Variants in SIRT4 observed in about 807,000 individuals in gnomAD.
SIRT4 encodes the protein sirtuin 4, also known as NAD-dependent protein lipoamidase sirtuin-4, mitochondrial.
SIRT4 carries 23 observed loss-of-function variants against 26.1 expected under a neutral mutation model. The observed-to-expected ratio is 0.88, with a 90% CI of 0.63 to 1.25. The LOEUF (loss-of-function observed/expected upper bound fraction) is 1.25, where lower values mean the gene tolerates loss of function less well. SIRT4 is among the 50% of genes most tolerant of loss of function. The probability of loss-of-function intolerance (pLI) is 0.00; values close to 1 mark genes in which losing one functional copy is unlikely to be tolerated. For synonymous variants in SIRT4, 155 were observed against 158.4 expected, an observed-to-expected ratio of 0.98 and a Z score of 0.16; for missense variants, 361 against 405.4, an observed-to-expected ratio of 0.89 and a Z score of 0.94.
At chr12:120,307,616 T>A (rs1872790723) in intron 2 of SIRT4, among the ~76,000 whole-genome samples, 2 of 152,120 alleles carry the variant, frequency 1.3e-5, no homozygotes, top group Non-Finnish European at 2.9e-5. Flanking sequence ...TCCGAGCACT[T>A]TGGGAGGCCG....
In SIRT4 at chr12:120,312,735, G is replaced by T; in HGVS notation, c.777G>T (p.Val259=). 6.2e-7 allele frequency: 1 copy of T among 1,613,334 alleles called. No homozygotes were observed. Among genetic ancestry groups the T allele is most frequent in the Non-Finnish European group, 8.5e-7 (1 of 1,179,618 alleles). The change falls in exon 3 of 4, where the codon GTG becomes GTT. Residue 259 remains valine (V), a synonymous_variant. Coordinates refer to ENST00000202967, the MANE Select transcript of SIRT4 (RefSeq NM_012240.3). The stretch of plus-strand genomic sequence containing the variant: ...AAGAAGCCGACTCCCTCTTGGTGGT[G>T]GGATCATCCTTGCAGGTATCTGACT... ...RVKEADSLLV[V]GSSLQVYSGY...
chr12:120,307,418 GGCAGAGGTT>G (rs1471896609), intron 2 of SIRT4, among the ~76,000 whole-genome samples: 1 of 152,090 alleles, frequency 6.6e-6, no homozygotes, highest in Non-Finnish European at 1.5e-5. Context: ...GAACATGGGT[GGCAGAGGTT>G]GCAGTGAGCC....
chr12:120,299,382 TC>T (rs535315701), upstream of SIRT4, among the ~76,000 whole-genome samples: 121 of 145,074 alleles, frequency 8.3e-4, no homozygotes, highest in African/African-American at 3.0e-3. Context: ...CGAAACCCCA[TC>T]TCTACTAAAA....
chr12:120,303,510 GAAAA>G, intron 1 of SIRT4, 47 bp from the exon 2 acceptor site: 1 of 1,244,040 alleles, frequency 8.0e-7, no homozygotes, highest in Non-Finnish European at 1.1e-6. Flanking sequence ...CAAAAAATGA[GAAAA>G]AAAAAAAACC....
At position 120,303,669 on chromosome 12, in the gene SIRT4, T is replaced by TCCTC; in HGVS notation, c.110_113dup (p.Leu39SerfsTer5). 6.2e-7 allele frequency: 1 copy of TCCTC among 1,614,094 alleles called. No individual in the cohort carries two copies. The highest frequency in any genetic ancestry group is 8.5e-7 in the Non-Finnish European group (1 of 1,180,018). On this transcript the variant is annotated frameshift_variant, in exon 2 of 4. Coordinates refer to ENST00000202967, the MANE Select transcript of SIRT4 (RefSeq NM_012240.3). LOFTEE classifies it high-confidence loss of function. ...CCATTGGGTTATTTGTGCCAGCAAG[T>TCCTC]CCTCCTCTGGACCCTGAGAAGGTCA...
chr12:120,298,543 G>C (rs998123806), upstream of SIRT4, among the ~76,000 whole-genome samples: 1 of 152,078 alleles, frequency 6.6e-6, no homozygotes, highest in African/African-American at 2.4e-5. Flanking sequence ...AGTGCGCAGT[G>C]ATCGTGCCTC....
the SIRT4 span, among the ~76,000 whole-genome samples, chr12:120,292,494 G>A: frequency 1.3e-5 from 2 of 152,142 alleles, no homozygotes; most frequent in Admixed American, 6.5e-5. Context: ...ATCCCAGCTA[G>A]TCGGGAGGCT....
the SIRT4 span, chr12:120,292,956 T>C: frequency 3.9e-5 from 6 of 152,260 alleles, no homozygotes; most frequent in African/African-American, 7.2e-5. Context: ...AACTTGCAGG[T>C]GCTCTCGCGA....
chr12:120,291,892 C>T, the SIRT4 span: 1 of 152,156 alleles, frequency 6.6e-6, no homozygotes, highest in Non-Finnish European at 1.5e-5. Context: ...GATACTGCCA[C>T]TGCGCAAAGC....
chr12:120,294,416 C>T, the SIRT4 span, among the ~76,000 whole-genome samples: 2 of 152,036 alleles, frequency 1.3e-5, no homozygotes, highest in South Asian at 4.1e-4. Flanking sequence ...CTCAGCCTCC[C>T]GAGGAGCTGG....
chr12:120,293,365 T>G, the SIRT4 span: 1 of 152,200 alleles, frequency 6.6e-6, no homozygotes, highest in African/African-American at 2.4e-5. Context: ...TAGAAAGATG[T>G]TTGTGACCTG....
chr12:120,312,974 T>C lies in SIRT4; in HGVS notation c.883T>C (p.Leu295=). The change falls in exon 4 of 4, where the codon TTG becomes CTG. Residue 295 remains leucine (L), a synonymous_variant. Coordinates refer to ENST00000202967, the MANE Select transcript of SIRT4 (RefSeq NM_012240.3). The part of the protein sequence containing the change: ...LNIGPTRSDD[L]ACLKLNSRCG... The stretch of plus-strand genomic sequence containing the variant: ...CATTGGGCCCACACGGTCGGATGAC[T>C]TGGCGTGTCTGAAACTGAATTCTCG... The C allele has an allele frequency of 6.2e-7, 1 of 1,614,152 alleles. No homozygotes were observed. The highest frequency in any genetic ancestry group is 8.5e-7 in the Non-Finnish European group (1 of 1,180,036).
At chr12:120,293,466 G>C in the SIRT4 span, among the ~76,000 whole-genome samples, 2 of 152,172 alleles carry the variant, frequency 1.3e-5, no homozygotes, top group African/African-American at 4.8e-5. Context: ...CATGCTAATA[G>C]ACTTAATTCA....
chr12:120,310,454 C>T (rs1013346232), intron 2 of SIRT4, among the ~76,000 whole-genome samples: 2 of 151,984 alleles, frequency 1.3e-5, no homozygotes, highest in Admixed American at 1.3e-4. Flanking sequence ...TGAGCTCAAG[C>T]GATTCTCTTG....
At chr12:120,302,114 ACCTACTAAGTG>A (rs1872572130), upstream of SIRT4, among the ~76,000 whole-genome samples, 2 of 151,984 alleles carry the variant, frequency 1.3e-5, no homozygotes, top group South Asian at 4.1e-4. Flanking sequence ...AAATATATAC[ACCTACTAAGTG>A]CCCACAGAAA....
At chr12:120,293,246 A>T in the SIRT4 span, 3 of 152,154 alleles carry the variant, frequency 2.0e-5, no homozygotes, top group African/African-American at 2.4e-5. Context: ...CTAATTTGTT[A>T]CGCCCCCTGC....
At chr12:120,293,104 A>C in the SIRT4 span, 1 of 152,192 alleles carries the variant, frequency 6.6e-6, no homozygotes, top group Non-Finnish European at 1.5e-5. Context: ...CAGTCTCCGT[A>C]GAGACTGTCA....
At chr12:120,297,524 A>G (rs2136819605), upstream of SIRT4, among the ~76,000 whole-genome samples, 1 of 151,716 alleles carries the variant, frequency 6.6e-6, no homozygotes, top group Middle Eastern at 3.4e-3. Flanking sequence ...AACAAAGCAT[A>G]CAAAAATTAA....
At chr12:120,305,242 C>T (rs1426044285) in intron 2 of SIRT4, among the ~76,000 whole-genome samples, 4 of 147,698 alleles carry the variant, frequency 2.7e-5, no homozygotes, top group African/African-American at 5.0e-5. Context: ...TGTGTGTGCA[C>T]GTGTGTGTGT....
Sources: gnomAD v4.1 joint callset for allele counts (sites outside exome capture counted in the v4.1 genomes callset) on GRCh38, gnomAD v4.1.1 for gene constraint, MANE v1.5 for transcripts, NCBI Gene and HGNC (gene_info 2026-07-23, HGNC 2026-07-21) for gene names.